The following STUB1 variants were observed in gnomAD, a reference collection of about 807,000 sequenced individuals.
STUB1 encodes E3 ubiquitin-protein ligase CHIP.
In STUB1, 37 loss-of-function variants were observed where a neutral mutation model predicts 40.3. The observed-to-expected ratio is 0.92, with a 90% CI of 0.71 to 1.21. The LOEUF is 1.21. Ranked by LOEUF, STUB1 falls within the 50% of genes most tolerant of loss-of-function variation. STUB1 has a pLI of 0.00. For missense variants in STUB1, 460 were observed against 421.9 expected (o/e 1.09, Z -0.79); for synonymous variants, 246 against 171.9 (o/e 1.43, Z -3.37).
chr16:681,661 G>T, intron 3 of STUB1, 58 bp downstream of exon 3: 1 of 1,569,168 alleles, frequency 6.4e-7, no homozygotes, highest in Non-Finnish European at 8.7e-7. Context: ...ACCGACTCCC[G>T]ACACAAGCGT....
chr16:680,891 G>T lies in STUB1; in HGVS notation c.159+207G>T. 3.3e-6 allele frequency: 2 copies of T among 599,958 alleles called. No individual in the cohort carries two copies. The highest frequency in any genetic ancestry group is 5.7e-5 in the South Asian group (2 of 34,808). The allele number at this position is 599,958 out of a possible 1,614,324, so 37.2% of individuals were successfully genotyped here. On this transcript the variant is annotated intron_variant, in intron 1 of 6. Coordinates refer to ENST00000219548, the MANE Select transcript of STUB1 (RefSeq NM_005861.4). The surrounding 1 kb of genome is among the most constrained non-coding windows in gnomAD (Gnocchi z 4.9). ...GGCCGGCCGGGTGGGGGGAGGGCAG[G>T]GGCCCTCGACCCTTGAGGACCCCAG...
chr16:682,730 A>T lies in STUB1; in HGVS notation c.*241A>T. The T allele has an allele frequency of 6.4e-7, 1 of 1,571,524 alleles. No homozygotes were observed. Among genetic ancestry groups the T allele is most frequent in the Non-Finnish European group, 8.7e-7 (1 of 1,149,782 alleles). On this transcript the variant is annotated 3_prime_UTR_variant, in exon 7 of 7. Transcript: ENST00000219548. ...CCATTGCCGCCACTATCTGTGTAAT[A>T]AAATCCGTGAGCACGAGGTGGGACG...
At position 682,652 on chromosome 16, in the gene STUB1, G is replaced by C. The variant is rs886551625; in HGVS notation, c.*163G>C. The C allele has an allele frequency of 2.2e-5, 31 of 1,406,038 alleles. No homozygotes were observed. Among genetic ancestry groups the C allele is most frequent in the Non-Finnish European group, 2.8e-5 (29 of 1,026,734 alleles). 87.1% of individuals were successfully genotyped at this position (1,406,038 alleles called of 1,614,324 possible). On this transcript the variant is annotated 3_prime_UTR_variant, in exon 7 of 7. Coordinates refer to ENST00000219548, the MANE Select transcript of STUB1 (RefSeq NM_005861.4). ...CTCAGCATCGCTTTTGCTGGGCCGT[G>C]ATCGTCCCCCTTTGTGGGCTGGAAA... is the stretch of plus-strand genomic sequence containing the variant.
In STUB1 at chr16:680,727, G is replaced by T; in HGVS notation, c.159+43G>T. On this transcript the variant is annotated intron_variant, in intron 1 of 6. Transcript: ENST00000219548. This position sits in a 1 kb window ranked among gnomAD's most constrained non-coding sequence, Gnocchi z 4.9. ...GGGAGGGCGGCGGCGGTGGCACCGGGGAGGGCCGGGCCCGGGCCCGGCCGG... is the reference window on the plus strand; with the variant it reads ...GGGAGGGCGGCGGCGGTGGCACCGGTGAGGGCCGGGCCCGGGCCCGGCCGG... 5 of 1,197,340 alleles carry T rather than the reference G, an allele frequency of 4.2e-6. No homozygotes were observed. The highest frequency in any genetic ancestry group is 5.2e-6 in the Non-Finnish European group (5 of 963,698). 74.2% of individuals were successfully genotyped at this position (1,197,340 alleles called of 1,614,324 possible). A position where few individuals can be genotyped will look rare whatever the true frequency, so the allele number is the denominator to read the frequency against.
rs750950975 is a variant in STUB1, at chr16:681,375, T to TG, written c.358+29dup. ...GGTTGGCTGACAAGCTGCCCGGTTG[T>TG]GGGGCCTCTGGGGCCAGGCGGGTGG... On this transcript the variant is annotated intron_variant, in intron 2 of 6. Coordinates refer to ENST00000219548, the MANE Select transcript of STUB1 (RefSeq NM_005861.4). The TG allele has an allele frequency of 5.6e-6, 9 of 1,611,642 alleles. No homozygotes were observed. In the Admixed American group the frequency reaches 1.5e-4, roughly 27 times the overall value.
rs3216838 is a variant in STUB1, at chr16:682,287, GC to G, written c.786+8del. 737,114 of 1,612,470 alleles carry G rather than the reference GC, an allele frequency of 0.46. 177,445 individuals carry two copies. Among genetic ancestry groups the G allele is most frequent in the East Asian group, 0.73 (32,599 of 44,864 alleles). On this transcript the variant is annotated splice_region_variant and intron_variant, in intron 6 of 6. Coordinates refer to ENST00000219548, the MANE Select transcript of STUB1 (RefSeq NM_005861.4). ...ACATCGAGGAGCACCTGCAGGTGAG[GC>G]CTGCGGCTGGGGGAGCAGGGCCAGT... is the stretch of plus-strand genomic sequence containing the variant.
At position 680,925 on chromosome 16, in the gene STUB1, C is replaced by T. The variant is rs2151503967; in HGVS notation, c.160-227C>T. The T allele has an allele frequency of 3.0e-6, 2 of 664,096 alleles. No homozygotes were observed. Among genetic ancestry groups the T allele is most frequent in the East Asian group, 5.8e-5 (2 of 34,402 alleles). The allele number at this position is 664,096 out of a possible 1,614,324, so 41.1% of individuals were successfully genotyped here. A position where few individuals can be genotyped will look rare whatever the true frequency, so the allele number is the denominator to read the frequency against. ...ACCCTTGAGGACCCCAGGTCCTAAG[C>T]CCGGACTCTCCAAAGATTTGGAAAA... On this transcript the variant is annotated intron_variant, in intron 1 of 6. Coordinates refer to ENST00000219548, the MANE Select transcript of STUB1 (RefSeq NM_005861.4). The surrounding 1 kb of genome is among the most constrained non-coding windows in gnomAD (Gnocchi z 4.9).
chr16:682,607 G>C lies in STUB1; in HGVS notation c.*118G>C. Reference sequence around the variant, plus strand: ...CCGCTTCCCCCAAGTTCTGCTGTTGGACTCTGGACTGTTTCCCCTCTCAGC... The same window carrying C: ...CCGCTTCCCCCAAGTTCTGCTGTTGCACTCTGGACTGTTTCCCCTCTCAGC... On this transcript the variant is annotated 3_prime_UTR_variant, in exon 7 of 7. Transcript: ENST00000219548. 5 of 1,478,272 alleles carry C rather than the reference G, an allele frequency of 3.4e-6. No individual in the cohort carries two copies. The South Asian group carries it at 6.2e-5, about 18-fold the overall frequency. The allele number at this position is 1,478,272 out of a possible 1,614,324, so 91.6% of individuals were successfully genotyped here.
Position 682,588 on chromosome 16 carries a change from C to A in STUB1, c.*99C>A. 1.3e-6 allele frequency: 2 copies of A among 1,535,068 alleles called. No individual in the cohort carries two copies. Among genetic ancestry groups the A allele is most frequent in the South Asian group, 1.2e-5 (1 of 83,910 alleles). On this transcript the variant is annotated 3_prime_UTR_variant, in exon 7 of 7. Coordinates refer to ENST00000219548, the MANE Select transcript of STUB1 (RefSeq NM_005861.4). ...ATGTTCCTGGCCACCCCGACCGCTT[C>A]CCCCAAGTTCTGCTGTTGGACTCTG...
rs1211406578 is a variant in STUB1 at position 681,138 on chromosome 16, G to T, written c.160-14G>T. The T allele has an allele frequency of 6.5e-7, 1 of 1,548,586 alleles. No homozygotes were observed. The highest frequency in any genetic ancestry group is 2.0e-5 in the Admixed American group (1 of 51,018). ...CCTACGCCCTCATGCGGCTGGCCCG[G>T]CCTTGGTCCCTAGACCCGGAACCCG... On this transcript the variant is annotated splice_polypyrimidine_tract_variant and intron_variant, in intron 1 of 6. Coordinates refer to ENST00000219548, the MANE Select transcript of STUB1 (RefSeq NM_005861.4).
In STUB1 at chr16:680,648, G is replaced by T; in HGVS notation, c.123G>T (p.Lys41Asn). The T allele has an allele frequency of 7.5e-7, 1 of 1,327,202 alleles. No individual in the cohort carries two copies. The allele number at this position is 1,327,202 out of a possible 1,614,324, so 82.2% of individuals were successfully genotyped here. Reference protein sequence around the residue: ...EQGNRLFVGRKYPEAAACYGR... With the variant: ...EQGNRLFVGRNYPEAAACYGR... Reference sequence around the variant, plus strand: ...GCAATCGTCTGTTCGTGGGCCGAAAGTACCCGGAGGCGGCGGCCTGCTACG... The same window carrying T: ...GCAATCGTCTGTTCGTGGGCCGAAATTACCCGGAGGCGGCGGCCTGCTACG... The change falls in exon 1 of 7, where the codon AAG becomes AAT. Residue 41 changes from lysine to asparagine, a missense_variant. Coordinates refer to ENST00000219548, the MANE Select transcript of STUB1 (RefSeq NM_005861.4). This position sits in a 1 kb window ranked among gnomAD's most constrained non-coding sequence, Gnocchi z 4.9.
intron 1 of STUB1, 125 bp from the exon 2 acceptor site, chr16:681,027 C>T: frequency 1.0e-6 from 1 of 992,188 alleles, no homozygotes; most frequent in Admixed American, 2.6e-5. Context: ...GACCCAGGGG[C>T]TTTGACAACT....
Position 680,822 on chromosome 16 carries a change from C to A in STUB1, c.159+138C>A. The A allele has an allele frequency of 1.1e-6, 1 of 922,162 alleles. No homozygotes were observed. 57.1% of individuals were successfully genotyped at this position (922,162 alleles called of 1,614,324 possible). On this transcript the variant is annotated intron_variant, in intron 1 of 6. Transcript: ENST00000219548. This position sits in a 1 kb window ranked among gnomAD's most constrained non-coding sequence, Gnocchi z 4.9. ...CCAAAGCCCAGCCGTGGTTCTCGAGCCCAGCGCCGGGTGCCGGAGAACGAG... is the reference window on the plus strand; with the variant it reads ...CCAAAGCCCAGCCGTGGTTCTCGAGACCAGCGCCGGGTGCCGGAGAACGAG...
Position 682,739 on chromosome 16 carries a change from G to C in STUB1, c.*250G>C. On this transcript the variant is annotated 3_prime_UTR_variant, in exon 7 of 7. Transcript: ENST00000219548. ...CCACTATCTGTGTAATAAAATCCGTGAGCACGAGGTGGGACGTGCTGGTGT... is the reference window on the plus strand; with the variant it reads ...CCACTATCTGTGTAATAAAATCCGTCAGCACGAGGTGGGACGTGCTGGTGT... 6.3e-7 allele frequency: 1 copy of C among 1,580,576 alleles called. No homozygotes were observed. Among genetic ancestry groups the C allele is most frequent in the African/African-American group, 1.3e-5 (1 of 74,506 alleles).
At position 680,592 on chromosome 16, in the gene STUB1, A is replaced by G; in HGVS notation, c.67A>G (p.Ser23Gly). 1 of 1,404,412 alleles carries G rather than the reference A, an allele frequency of 7.1e-7. No homozygotes were observed. The highest frequency in any genetic ancestry group is 1.6e-5 in the South Asian group (1 of 63,880). The allele number at this position is 1,404,412 out of a possible 1,614,324, so 87.0% of individuals were successfully genotyped here. ...LGAGGGSPEK[S>G]PSAQELKEQG... The stretch of plus-strand genomic sequence containing the variant: ...CGCTGGCGGCGGAAGCCCCGAGAAG[A>G]GCCCGAGCGCGCAGGAGCTCAAGGA... Residue 23 changes from serine (S) to glycine (G), a missense_variant, in exon 1 of 7, where the codon AGC becomes GGC. Transcript: ENST00000219548. This position sits in a 1 kb window ranked among gnomAD's most constrained non-coding sequence, Gnocchi z 4.9.
chr16:681,581 C>T lies in STUB1; in HGVS notation c.502C>T (p.Leu168Phe). The T allele has an allele frequency of 6.2e-7, 1 of 1,610,098 alleles. No homozygotes were observed. The highest frequency in any genetic ancestry group is 8.5e-7 in the Non-Finnish European group (1 of 1,178,938). ...ESELHSYLSRLIAAERERELE... is the reference protein window; with the variant it reads ...ESELHSYLSRFIAAERERELE... ...CGAGCTGCACTCCTACCTCTCCAGG[C>T]TCATTGCCGCGGAGCGTGAGAGGTG... Residue 168 changes from leucine (L) to phenylalanine (F), a missense_variant, in exon 3 of 7, where the codon CTC (leucine) becomes TTC (phenylalanine). Physicochemically the swap from Leu to Phe is conservative, Grantham distance 22. Coordinates refer to ENST00000219548, the MANE Select transcript of STUB1 (RefSeq NM_005861.4).
In STUB1 at chr16:682,240, G is replaced by A; in HGVS notation, c.745G>A (p.Gly249Ser). The A allele has an allele frequency of 1.2e-6, 2 of 1,613,002 alleles. No homozygotes were observed. The highest frequency in any genetic ancestry group is 1.7e-6 in the Non-Finnish European group (2 of 1,179,978). Residue 249 changes from glycine to serine, a missense_variant, in exon 6 of 7, where the codon GGC becomes AGC. Gly to Ser is a moderately conservative substitution (Grantham distance 56). Transcript: ENST00000219548. ...LMREPCITPS[G>S]ITYDRKDIEE... is the part of the protein sequence containing the mutation. ...GCGGGAGCCGTGCATCACGCCCAGT[G>A]GCATCACCTACGACCGCAAGGACAT...
intron 3 of STUB1, 85 bp downstream of exon 3, chr16:681,688 T>G: frequency 6.4e-7 from 1 of 1,558,262 alleles, no homozygotes; most frequent in Non-Finnish European, 8.7e-7. Flanking sequence ...AAGGCTTTAC[T>G]GGCAAGCAGG....
rs755346712 is a variant in STUB1, at chr16:681,597, G to A, written c.518G>A (p.Arg173His). The change falls in exon 3 of 7, where the codon CGT becomes CAT. Residue 173 changes from arginine (R) to histidine (H), a missense_variant. Arg to His is a conservative substitution (Grantham distance 29, BLOSUM62 0). Coordinates refer to ENST00000219548, the MANE Select transcript of STUB1 (RefSeq NM_005861.4). Reference sequence around the variant, plus strand: ...CTCTCCAGGCTCATTGCCGCGGAGCGTGAGAGGTGGGACCCTCACCCCAGG... The same window carrying A: ...CTCTCCAGGCTCATTGCCGCGGAGCATGAGAGGTGGGACCCTCACCCCAGG... ...SYLSRLIAAE[R>H]ERELEECQRN... 1.2e-6 allele frequency: 2 copies of A among 1,607,310 alleles called. No individual in the cohort carries two copies. The highest frequency in any genetic ancestry group is 8.5e-7 in the Non-Finnish European group (1 of 1,177,114).
Sources: allele counts gnomAD v4.1 joint callset, GRCh38; gene constraint gnomAD v4.1.1; non-coding constraint Gnocchi (gnomAD v3.1); transcripts MANE v1.5; gene names NCBI Gene and HGNC (gene_info 2026-07-23, HGNC 2026-07-21).